The following MAD1L1 variants were observed in gnomAD, a reference collection of about 807,000 sequenced individuals.
MAD1L1 encodes the protein mitotic spindle assembly checkpoint protein MAD1.
MAD1L1 carries 95 observed loss-of-function variants against 96.9 expected under a neutral mutation model. The ratio of observed to expected loss-of-function variants is 0.98; its 90% CI spans 0.83 to 1.16. The LOEUF (loss-of-function observed/expected upper bound fraction) is 1.16, where lower values mean the gene tolerates loss of function less well. MAD1L1 is among the 50% of genes most tolerant of loss of function. The probability of loss-of-function intolerance (pLI) is 0.00; values close to 1 mark genes in which losing one functional copy is unlikely to be tolerated. For missense variants in MAD1L1, 1,007 were observed against 954.4 expected (o/e 1.06, Z -0.73); for synonymous variants, 473 against 396.6 (o/e 1.19, Z -2.29).
intron 18 of MAD1L1, among the ~76,000 whole-genome samples, chr7:1,818,394 T>A (rs1350697813): frequency 6.6e-6 from 1 of 151,640 alleles, no homozygotes; most frequent in Non-Finnish European, 1.5e-5. Context: ...CTAAAAATAT[T>A]TTTTTTTAGA....
rs547257140 is a variant in MAD1L1, at chr7:2,169,714, G to A, written c.987-20476C>T. Among the ~76,000 whole-genome samples, 38 of 145,950 alleles carry A rather than the reference G, an allele frequency of 2.6e-4. No individual in the cohort carries two copies. In the South Asian group the frequency reaches 7.7e-3, roughly 30 times the overall value. On this transcript the variant is annotated intron_variant, in intron 10 of 18. Transcript: ENST00000265854. ...CAGGGGGCACATGGAGCAGAGGCTGGACCACAGTCTGGGTGGAGGGGTCGG... is the reference window on the plus strand; with the variant it reads ...CAGGGGGCACATGGAGCAGAGGCTGAACCACAGTCTGGGTGGAGGGGTCGG...
At chr7:2,029,887 A>AG (rs1783144690) in intron 12 of MAD1L1, among the ~76,000 whole-genome samples, 1 of 152,136 alleles carries the variant, frequency 6.6e-6, no homozygotes, top group South Asian at 2.1e-4. Flanking sequence ...GAAATGAGAG[A>AG]GGGGAAAAGC....
At position 2,222,617 on chromosome 7, in the gene MAD1L1, C is replaced by T; in HGVS notation, c.429G>A (p.Lys143=). Residue 143 remains lysine (K), a synonymous_variant, in exon 5 of 19, where the codon AAG becomes AAA. Coordinates refer to ENST00000265854, the MANE Select transcript of MAD1L1 (RefSeq NM_001013836.2). ...QCQQNLDAAS[K]RLREKEDSLA... is the part of the protein sequence containing the mutation. The stretch of plus-strand genomic sequence containing the variant: ...GACTGTCCTCTTTCTCACGCAGCCT[C>T]TTGCTGGCAGCATCCAAGTTCTGCT... 2 of 1,613,026 alleles carry T rather than the reference C, an allele frequency of 1.2e-6. No homozygotes were observed. Among genetic ancestry groups the T allele is most frequent in the Non-Finnish European group, 1.7e-6 (2 of 1,179,728 alleles).
intron 13 of MAD1L1, among the ~76,000 whole-genome samples, chr7:2,012,933 C>T (rs975692948): frequency 2.0e-5 from 3 of 152,224 alleles, no homozygotes; most frequent in Admixed American, 2.0e-4. Flanking sequence ...TGTAGTTTGG[C>T]GACCTCCTTC....
At chr7:1,958,461 A>G (rs1344024335) in intron 15 of MAD1L1, among the ~76,000 whole-genome samples, 1 of 152,256 alleles carries the variant, frequency 6.6e-6, no homozygotes, top group East Asian at 1.9e-4. Context: ...GACACCGCAC[A>G]GGGACAGGAG....
At chr7:2,034,075 G>A (rs186480949) in intron 12 of MAD1L1, among the ~76,000 whole-genome samples, 473 of 152,306 alleles carry the variant, frequency 3.1e-3, no homozygotes, top group Admixed American at 4.7e-3. Flanking sequence ...CAGCCTGGGC[G>A]ACAGAGCAAG....
In MAD1L1 at chr7:2,216,001, T is replaced by C. The variant is rs1793252800; in HGVS notation, c.810-2A>G. 3.1e-6 allele frequency: 5 copies of C among 1,613,962 alleles called. No homozygotes were observed. The highest frequency in any genetic ancestry group is 1.1e-5 in the South Asian group (1 of 91,084). On this transcript the variant is annotated splice_acceptor_variant, in intron 8 of 18. Coordinates refer to ENST00000265854, the MANE Select transcript of MAD1L1 (RefSeq NM_001013836.2). LOFTEE classifies it high-confidence loss of function. ...AGCCCGTTGGTCTCTCTCATCTCCC[T>C]GGCAGTGCCACAAAGAGTCGCTCAA...
At chr7:2,071,966 T>C (rs1349933744) in intron 11 of MAD1L1, among the ~76,000 whole-genome samples, 1 of 152,230 alleles carries the variant, frequency 6.6e-6, no homozygotes, top group East Asian at 1.9e-4. Context: ...TCCATTCATC[T>C]GCATCCTTCG....
intron 17 of MAD1L1, among the ~76,000 whole-genome samples, chr7:1,907,283 C>T (rs1035360394): frequency 6.6e-6 from 1 of 152,250 alleles, no homozygotes; most frequent in Non-Finnish European, 1.5e-5. Context: ...GGGCCCTGCA[C>T]AGCTGCCACC....
rs572846464 is a variant in MAD1L1, at chr7:1,826,704, C to T, written c.1999-10476G>A. 6.8e-4 allele frequency among the ~76,000 whole-genome samples: 103 copies of T among 152,342 alleles called. 3 individuals are homozygous for T. The South Asian group carries it at 0.016, about 24-fold the overall frequency. ...CTGGGTCAGGACAGCTTGGACAGAA[C>T]GCCGAGAACAAATGTCCCGGCATGA... is the stretch of plus-strand genomic sequence containing the variant. On this transcript the variant is annotated intron_variant, in intron 18 of 18. Transcript: ENST00000265854.
intron 18 of MAD1L1, among the ~76,000 whole-genome samples, chr7:1,866,145 G>A (rs1784770338): frequency 6.6e-6 from 1 of 152,232 alleles, no homozygotes; most frequent in Non-Finnish European, 1.5e-5. Flanking sequence ...TTGGTGGGAG[G>A]GGGGCCAGAA....
At chr7:2,157,173 C>A (rs1789888616) in intron 10 of MAD1L1, among the ~76,000 whole-genome samples, 1 of 152,164 alleles carries the variant, frequency 6.6e-6, no homozygotes, top group African/African-American at 2.4e-5. Context: ...TATACTGGAA[C>A]GTCTTCAAAA....
chr7:2,038,659 T>A (rs1451426696), intron 12 of MAD1L1, among the ~76,000 whole-genome samples: 3 of 151,898 alleles, frequency 2.0e-5, no homozygotes, highest in Admixed American at 1.3e-4. Context: ...ATTACAAGTG[T>A]GTGCCACCAC....
intron 11 of MAD1L1, among the ~76,000 whole-genome samples, chr7:2,117,796 G>A (rs560244852): frequency 1.3e-5 from 2 of 152,288 alleles, no homozygotes; most frequent in South Asian, 4.1e-4. Flanking sequence ...TAACACAGGG[G>A]TAAGAGAAGA....
intron 17 of MAD1L1, among the ~76,000 whole-genome samples, chr7:1,900,008 G>A (rs1344651555): frequency 2.0e-5 from 3 of 152,210 alleles, no homozygotes; most frequent in Admixed American, 6.5e-5. Flanking sequence ...CCTGCAACAC[G>A]GACACAGGCA....
At chr7:1,911,103 T>G (rs1787989607) in intron 17 of MAD1L1, among the ~76,000 whole-genome samples, 1 of 152,070 alleles carries the variant, frequency 6.6e-6, no homozygotes, top group Non-Finnish European at 1.5e-5. Flanking sequence ...CTCCCACAGT[T>G]CCCGCTCCTG....
At chr7:2,102,603 G>A (rs1334697670) in intron 11 of MAD1L1, among the ~76,000 whole-genome samples, 3 of 147,114 alleles carry the variant, frequency 2.0e-5, no homozygotes, top group Non-Finnish European at 3.0e-5. Flanking sequence ...TGTCACCATC[G>A]GTGACACCAC....
rs1483366620 is a variant in MAD1L1, at chr7:1,844,095, C to A, written c.1999-27867G>T. ...ACCAGAAGGCAACTAAAAATCCCCA[C>A]AACTCCAGGTGTGTCCTGGCTGGTG... On this transcript the variant is annotated intron_variant, in intron 18 of 18. Transcript: ENST00000265854. The A allele has an allele frequency of 1.9e-5, 3 of 154,490 alleles. 1 individual carries two copies. The highest frequency in any genetic ancestry group is 1.9e-4 in the East Asian group (1 of 5,190). The allele number at this position is 154,490 out of a possible 1,614,324, so 9.6% of individuals were successfully genotyped here. A position where few individuals can be genotyped will look rare whatever the true frequency, so the allele number is the denominator to read the frequency against.
chr7:2,123,172 G>A (rs534151145), intron 11 of MAD1L1, among the ~76,000 whole-genome samples: 2 of 152,168 alleles, frequency 1.3e-5, no homozygotes, highest in African/African-American at 4.8e-5. Flanking sequence ...GCGTGGTGGT[G>A]GGCGCCTGTA....
Sources: gnomAD v4.1 joint callset for allele counts (sites outside exome capture counted in the v4.1 genomes callset) on GRCh38, gnomAD v4.1.1 for gene constraint, MANE v1.5 for transcripts, NCBI Gene and HGNC (gene_info 2026-07-23, HGNC 2026-07-21) for gene names.